The following SYNE2 variants were observed in gnomAD, a reference collection of about 807,000 sequenced individuals.
The protein encoded by SYNE2 is spectrin repeat containing nuclear envelope protein 2.
SYNE2 carries 431 observed loss-of-function variants against 856.3 expected under a neutral mutation model. The ratio of observed to expected loss-of-function variants is 0.50; its 90% CI spans 0.47 to 0.55. The LOEUF (loss-of-function observed/expected upper bound fraction) is 0.55. SYNE2 is among the 20% of genes least tolerant of loss of function. The pLI is 0.00. For synonymous variants in SYNE2, 2,923 were observed against 2,872.3 expected (o/e 1.02, Z -0.56); for missense variants, 8,129 against 8,023.2 (o/e 1.01, Z -0.50).
Position 64,050,745 on chromosome 14 carries a change from G to GTGGT in SYNE2, c.7644-809_7644-806dup, listed in dbSNP as rs139607936. Among the ~76,000 whole-genome samples the GTGGT allele has an allele frequency of 9.9e-4, 150 of 152,182 alleles. 1 individual carries two copies. The East Asian group carries it at 0.029, about 29-fold the overall frequency. ...CAAAAAAGTTTATTTTAGGCCAGAC[G>GTGGT]TGGTTGCTCACACCTGTAATCCCAG... On this transcript the variant is annotated intron_variant, in intron 47 of 115. Transcript: ENST00000555002.
intron 1 of SYNE2, among the ~76,000 whole-genome samples, chr14:63,842,525 A>G (rs1890103682): frequency 6.7e-6 from 1 of 150,252 alleles, no homozygotes; most frequent in Non-Finnish European, 1.5e-5. Flanking sequence ...CAATGATGTG[A>G]TCTCAGCTCA....
At chr14:63,781,799 G>T (rs75719003) in intron 1 of SYNE2, among the ~76,000 whole-genome samples, 2,075 of 152,024 alleles carry the variant, frequency 0.014, 40 homozygotes, top group African/African-American at 0.047. Flanking sequence ...TTTTCCTCTT[G>T]GGCTTGCAAA....
At position 63,796,678 on chromosome 14, in the gene SYNE2, G is replaced by A. The variant is rs145632154; in HGVS notation, c.-305+34692G>A. Among the ~76,000 whole-genome samples the A allele has an allele frequency of 6.3e-3, 961 of 151,650 alleles. 9 individuals are homozygous for A. The highest frequency in any genetic ancestry group is 0.022 in the African/African-American group (920 of 41,320). ...GCCTTTTTTTTTCTTCTAGTTGTAC[G>A]GCAGGAGGCAATATATATACAAAAA... On this transcript the variant is annotated intron_variant, in intron 1 of 23. Coordinates refer to the SYNE2 transcript ENST00000674003.
At chr14:63,856,672 A>G (rs1035132313) in intron 1 of SYNE2, among the ~76,000 whole-genome samples, 1 of 152,188 alleles carries the variant, frequency 6.6e-6, no homozygotes, top group African/African-American at 2.4e-5. Context: ...TTCTTTTTAA[A>G]GACAAAATGC....
At chr14:63,976,810 A>G in intron 12 of SYNE2, 83 bp downstream of exon 12, 1 of 1,460,146 alleles carries the variant, frequency 6.8e-7, no homozygotes, top group Non-Finnish European at 9.6e-7. Context: ...CCTAAAAAGA[A>G]GAGAAGGATA....
At chr14:63,880,256 T>C (rs1224759159) in intron 1 of SYNE2, among the ~76,000 whole-genome samples, 1 of 152,080 alleles carries the variant, frequency 6.6e-6, no homozygotes, top group African/African-American at 2.4e-5. Flanking sequence ...ACCACCTGGC[T>C]AATGTTTGTA....
chr14:64,013,453 G>A (rs1197501144), intron 32 of SYNE2, among the ~76,000 whole-genome samples: 3 of 151,872 alleles, frequency 2.0e-5, no homozygotes, highest in African/African-American at 7.3e-5. Flanking sequence ...TACCCAATAG[G>A]TAAATTTTCA....
rs1567103289 is a variant in SYNE2 at position 64,031,288 on chromosome 14, T to C, written c.7152T>C (p.Ser2384=). ...CAGGCAGAGAGAAGCAGGCCACTTC[T>C]GATGTGCAGGAGTCTACTCAGGAAT... The part of the protein sequence containing the change: ...TLPGREKQAT[S]DVQESTQESA... Residue 2384 remains serine, a synonymous_variant, in exon 45 of 116, where the codon TCT becomes TCC. Coordinates refer to ENST00000555002, the MANE Select transcript of SYNE2 (RefSeq NM_182914.3). 6.2e-7 allele frequency: 1 copy of C among 1,614,160 alleles called. No homozygotes were observed. The highest frequency in any genetic ancestry group is 1.7e-5 in the Admixed American group (1 of 60,030).
intron 1 of SYNE2, among the ~76,000 whole-genome samples, chr14:63,881,020 T>C (rs1291221095): frequency 6.6e-6 from 1 of 151,974 alleles, no homozygotes; most frequent in Non-Finnish European, 1.5e-5. Flanking sequence ...GCTAATTTTT[T>C]TGTATTTTGG....
At chr14:64,215,596 G>C in intron 107 of SYNE2, 1 of 587,284 alleles carries the variant, frequency 1.7e-6, no homozygotes, top group Non-Finnish European at 3.0e-6. Flanking sequence ...CCTGTGCAGA[G>C]GGAATTTTTC....
intron 1 of SYNE2, among the ~76,000 whole-genome samples, chr14:63,783,426 G>A (rs557362645): frequency 1.3e-5 from 2 of 152,106 alleles, no homozygotes; most frequent in East Asian, 1.9e-4. Context: ...TGCCCAGGCC[G>A]GAGTGCAGTG....
intron 18 of SYNE2, among the ~76,000 whole-genome samples, chr14:63,985,888 A>T (rs1423044034): frequency 6.6e-6 from 1 of 152,112 alleles, no homozygotes; most frequent in East Asian, 1.9e-4. Flanking sequence ...TACACCTGTA[A>T]TTCCAGCCAC....
intron 94 of SYNE2, chr14:64,173,928 A>T: frequency 1.4e-6 from 1 of 697,062 alleles, no homozygotes. Context: ...GTGGTGGCGC[A>T]TCTCTTAAAA....
Position 64,101,952 on chromosome 14 carries a change from G to A in SYNE2, c.12402G>A (p.Glu4134=), listed in dbSNP as rs1352055043. ...VKSDNGDEKA[E]PSPQSWSSLW... ...GATAGAATGGAGATGAGAAGGCAGAGCCATCGCCTCAGTCTTGGTCTTCAC... is the reference window on the plus strand; with the variant it reads ...GATAGAATGGAGATGAGAAGGCAGAACCATCGCCTCAGTCTTGGTCTTCAC... Residue 4134 remains glutamate, a synonymous_variant, in exon 64 of 116, where the codon GAG becomes GAA. Coordinates refer to ENST00000555002, the MANE Select transcript of SYNE2 (RefSeq NM_182914.3). 1 of 1,613,788 alleles carries A rather than the reference G, an allele frequency of 6.2e-7. No homozygotes were observed. The highest frequency in any genetic ancestry group is 1.3e-5 in the African/African-American group (1 of 74,922).
intron 1 of SYNE2, among the ~76,000 whole-genome samples, chr14:63,806,287 G>T (rs567378409): frequency 6.6e-6 from 1 of 152,262 alleles, no homozygotes; most frequent in South Asian, 2.1e-4. Flanking sequence ...TACATTTGTT[G>T]ATTTGTGTGT....
In SYNE2 at chr14:63,981,060, T is replaced by C. The variant is rs779905429; in HGVS notation, c.1723T>C (p.Tyr575His). The change falls in exon 16 of 116, where the codon TAT (tyrosine) becomes CAT (histidine). Residue 575 changes from tyrosine to histidine, a missense_variant. Transcript: ENST00000555002. The stretch of plus-strand genomic sequence containing the variant: ...TGTTTGTATGTATAGAAAAAATATA[T>C]ATAATGTGAAGTCCACTCTACAAAA... Reference protein sequence around the residue: ...SDVCMYRKNIYNVKSTLQKVL... With the variant: ...SDVCMYRKNIHNVKSTLQKVL... 5.0e-6 allele frequency: 8 copies of C among 1,596,166 alleles called. No individual in the cohort carries two copies. The South Asian group carries it at 8.8e-5, about 18-fold the overall frequency.
At chr14:63,842,044 C>G (rs941124760) in intron 1 of SYNE2, among the ~76,000 whole-genome samples, 1 of 151,970 alleles carries the variant, frequency 6.6e-6, no homozygotes, top group African/African-American at 2.4e-5. Context: ...CCATGTTAGC[C>G]AGGGTGGTCT....
chr14:64,053,963 T>TCC (rs1323287707), intron 48 of SYNE2, among the ~76,000 whole-genome samples: 15 of 152,184 alleles, frequency 9.9e-5, no homozygotes, highest in Admixed American at 9.2e-4. Flanking sequence ...AGTGAGACTC[T>TCC]GTCTCAAAAA....
At chr14:64,143,690 C>A in intron 82 of SYNE2, 82 bp from the exon 83 acceptor site, 3 of 1,453,832 alleles carry the variant, frequency 2.1e-6, no homozygotes, top group Non-Finnish European at 2.9e-6. Context: ...GAGCTTGGTG[C>A]CCCCTCGAGC....
Sources: gnomAD v4.1 joint callset for allele counts (sites outside exome capture counted in the v4.1 genomes callset) on GRCh38, gnomAD v4.1.1 for gene constraint, MANE v1.5 for transcripts, NCBI Gene and HGNC (gene_info 2026-07-23, HGNC 2026-07-21) for gene names.